YTHDF1: variants seen among roughly 807,000 people sequenced by gnomAD.
The protein encoded by YTHDF1 is YTH domain-containing family protein 1.
YTHDF1 carries 16 observed loss-of-function variants against 49.1 expected under a neutral mutation model. The ratio of observed to expected loss-of-function variants is 0.33; its 90% confidence interval spans 0.22 to 0.49. YTHDF1 has a LOEUF of 0.49. Among genes scored for constraint, YTHDF1 ranks in the 20% least tolerant of loss-of-function variants. YTHDF1 has a pLI of 0.99. For missense variants in YTHDF1, 621 were observed against 744.3 expected, an observed-to-expected ratio of 0.83 and a Z score of 1.93; for synonymous variants, 313 against 290.1, an observed-to-expected ratio of 1.08 and a Z score of -0.80.
At chr20:63,198,497 T>C (rs560257000) in intron 4 of YTHDF1, among the ~76,000 whole-genome samples, 26 of 152,140 alleles carry the variant, frequency 1.7e-4, no homozygotes, top group Admixed American at 3.3e-4. Context: ...CAAATACCAA[T>C]CTCTTGAGTT....
intron 3 of YTHDF1, among the ~76,000 whole-genome samples, chr20:63,212,999 C>G (rs1170346782): frequency 1.3e-5 from 2 of 152,216 alleles, no homozygotes; most frequent in Non-Finnish European, 2.9e-5. Flanking sequence ...CAGGTACTGT[C>G]TCAGCGCTTT....
intron 3 of YTHDF1, among the ~76,000 whole-genome samples, chr20:63,207,335 G>A (rs932289156): frequency 1.3e-5 from 2 of 152,108 alleles, no homozygotes; most frequent in Non-Finnish European, 2.9e-5. Flanking sequence ...CGGGCGTGGT[G>A]GTGGGTGCCT....
intron 3 of YTHDF1, among the ~76,000 whole-genome samples, chr20:63,211,960 TACACAC>T (rs57357558): frequency 0.13 from 18,520 of 143,596 alleles, 1,322 homozygotes; most frequent in African/African-American, 0.19. Context: ...GTCTCCAAAA[TACACAC>T]ACACACACAC....
chr20:63,199,372 C>T (rs1601230587), intron 4 of YTHDF1, among the ~76,000 whole-genome samples: 1 of 152,000 alleles, frequency 6.6e-6, no homozygotes, highest in Non-Finnish European at 1.5e-5. Flanking sequence ...ACAAAAAATT[C>T]GCTGGGCGTG....
chr20:63,201,361 A>G (rs1398420510), intron 4 of YTHDF1, among the ~76,000 whole-genome samples: 4 of 152,238 alleles, frequency 2.6e-5, no homozygotes, highest in African/African-American at 9.6e-5. Context: ...ATCTATTATC[A>G]ACTGACATTT....
chr20:63,205,670 G>A (rs1006875646), intron 3 of YTHDF1, among the ~76,000 whole-genome samples: 21 of 151,944 alleles, frequency 1.4e-4, no homozygotes, highest in African/African-American at 4.1e-4. Flanking sequence ...CACCACACCC[G>A]GTTAATTTTT....
chr20:63,203,531 A>G lies in YTHDF1; in HGVS notation c.409T>C (p.Ser137Pro). The G allele has an allele frequency of 6.2e-7, 1 of 1,613,932 alleles. No individual in the cohort carries two copies. Among genetic ancestry groups the G allele is most frequent in the African/African-American group, 1.3e-5 (1 of 75,014 alleles). ...GAGCTCTGGGTCTGCTGACCTTGAG[A>G]CCCACTTGTCCCCCATGCTGAGAAC... ...PAFSAWGTSG[S>P]QGQQTQSSAY... is the part of the protein sequence containing the mutation. The change falls in exon 4 of 5, where the codon TCT becomes CCT. Residue 137 changes from serine (S) to proline (P), a missense_variant. Ser to Pro is a moderately conservative substitution (Grantham distance 74). Coordinates refer to ENST00000370339, the MANE Select transcript of YTHDF1 (RefSeq NM_017798.4). This position sits in a 1 kb window ranked among gnomAD's most constrained non-coding sequence, Gnocchi z 4.4.
At chr20:63,215,713 C>G (rs1299832344) in intron 1 of YTHDF1, 112 bp from the exon 2 acceptor site, 1 of 1,417,888 alleles carries the variant, frequency 7.1e-7, no homozygotes, top group East Asian at 2.8e-5. Flanking sequence ...CCGCCGGCCC[C>G]GACGCGCGGT....
intron 4 of YTHDF1, 60 bp downstream of exon 4, chr20:63,202,227 G>A: frequency 6.4e-7 from 1 of 1,552,436 alleles, no homozygotes; most frequent in Non-Finnish European, 8.7e-7. Flanking sequence ...GGGCCACCTG[G>A]TCTAAGTACG....
rs1419542415 is a variant in YTHDF1, at chr20:63,202,614, C to A, written c.1326G>T (p.Gly442=). The A allele has an allele frequency of 6.2e-7, 1 of 1,613,926 alleles. No individual in the cohort carries two copies. The highest frequency in any genetic ancestry group is 2.2e-5 in the East Asian group (1 of 44,894). ...CGGCCACCCCACAAAAATGCCCACT[C>A]CCATTGACGCTGAAGAGCAGGTAGA... is the stretch of plus-strand genomic sequence containing the variant. ...GPVYLLFSVN[G]SGHFCGVAEM... is the part of the protein sequence containing the mutation. The change falls in exon 4 of 5, where the codon GGG becomes GGT. Residue 442 remains glycine (G), a synonymous_variant. Transcript: ENST00000370339.
In YTHDF1 at chr20:63,213,944, C is replaced by CTA. The variant is rs779802226; in HGVS notation, c.53-3_53-2dup. On this transcript the variant is annotated splice_acceptor_variant, in intron 2 of 4. Coordinates refer to ENST00000370339, the MANE Select transcript of YTHDF1 (RefSeq NM_017798.4). LOFTEE classifies it high-confidence loss of function. ...TTCTGATGTAACGAACCATTTTGTA[C>CTA]TAGAACAAAAAGTTGCAAAATATTA... The CTA allele has an allele frequency of 1.3e-6, 2 of 1,569,830 alleles. No individual in the cohort carries two copies. The highest frequency in any genetic ancestry group is 8.6e-7 in the Non-Finnish European group (1 of 1,167,598).
At position 63,215,990 on chromosome 20, in the gene YTHDF1, C is replaced by T. The variant is rs2066600659; in HGVS notation, c.-98G>A. The T allele has an allele frequency of 9.0e-7, 1 of 1,112,078 alleles. No homozygotes were observed. The highest frequency in any genetic ancestry group is 1.7e-5 in the African/African-American group (1 of 60,332). 68.9% of individuals were successfully genotyped at this position (1,112,078 alleles called of 1,614,324 possible). A position where few individuals can be genotyped will look rare whatever the true frequency, so the allele number is the denominator to read the frequency against. The stretch of plus-strand genomic sequence containing the variant: ...CCCTAGCTCGCGCGGCCCCGGGCCC[C>T]GCCGCCAATTCCCCGGGCGCCGGCC... On this transcript the variant is annotated 5_prime_UTR_variant, in exon 1 of 5. Transcript: ENST00000370339.
intron 2 of YTHDF1, 116 bp downstream of exon 2, chr20:63,215,461 T>G: frequency 7.1e-7 from 1 of 1,403,628 alleles, no homozygotes; most frequent in East Asian, 2.4e-5. Context: ...AAGTTTTATC[T>G]CCCTGAAGCT....
chr20:63,203,539 G>T lies in YTHDF1; in HGVS notation c.401C>A (p.Thr134Lys). 1 of 1,614,042 alleles carries T rather than the reference G, an allele frequency of 6.2e-7. No homozygotes were observed. The highest frequency in any genetic ancestry group is 8.5e-7 in the Non-Finnish European group (1 of 1,180,024). ...GGTCTGCTGACCTTGAGACCCACTT[G>T]TCCCCCATGCTGAGAACGCAGGGTT... Reference protein sequence around the residue: ...PENPAFSAWGTSGSQGQQTQS... With the variant: ...PENPAFSAWGKSGSQGQQTQS... The change falls in exon 4 of 5, where the codon ACA (threonine) becomes AAA (lysine). Residue 134 changes from threonine (T) to lysine (K), a missense_variant. By Grantham distance (78) the Thr-to-Lys change is moderately conservative (BLOSUM62 -1). Around this residue, in one of 2 missense-constraint regions of YTHDF1, gnomAD observed 470 missense variants for 495.8 expected, o/e 0.95. Coordinates refer to ENST00000370339, the MANE Select transcript of YTHDF1 (RefSeq NM_017798.4). This position sits in a 1 kb window ranked among gnomAD's most constrained non-coding sequence, Gnocchi z 4.4.
intron 3 of YTHDF1, among the ~76,000 whole-genome samples, chr20:63,208,312 G>A (rs1026732537): frequency 6.6e-6 from 1 of 152,176 alleles, no homozygotes; most frequent in African/African-American, 2.4e-5. Flanking sequence ...GGGTACTGCT[G>A]AAAAGTGAGG....
intron 3 of YTHDF1, among the ~76,000 whole-genome samples, chr20:63,204,993 T>C (rs1325236799): frequency 6.7e-6 from 1 of 149,460 alleles, no homozygotes; most frequent in Admixed American, 6.7e-5. Flanking sequence ...CGTCTGAGAG[T>C]GCCAAGATGC....
At chr20:63,204,727 G>A (rs1041461844) in intron 3 of YTHDF1, among the ~76,000 whole-genome samples, 5 of 152,180 alleles carry the variant, frequency 3.3e-5, no homozygotes, top group African/African-American at 1.2e-4. Flanking sequence ...GAGAAGGTGA[G>A]TGCCTGAGTG....
At chr20:63,212,265 G>A (rs1365971632) in intron 3 of YTHDF1, among the ~76,000 whole-genome samples, 4 of 152,202 alleles carry the variant, frequency 2.6e-5, no homozygotes, top group Admixed American at 6.5e-5. Flanking sequence ...CAGCGCTGCC[G>A]AGGCTCCACC....
chr20:63,207,762 T>C (rs1179587840), intron 3 of YTHDF1, among the ~76,000 whole-genome samples: 11 of 151,966 alleles, frequency 7.2e-5, no homozygotes, highest in Admixed American at 6.5e-4. Flanking sequence ...ATCCCAGCAC[T>C]TTGGGAGGCC....
Sources: gnomAD v4.1 joint callset for allele counts (sites outside exome capture counted in the v4.1 genomes callset) on GRCh38, gnomAD v4.1.1 for gene constraint, gnomAD v4.1.1 regional missense constraint, Gnocchi (gnomAD v3.1) non-coding constraint, MANE v1.5 for transcripts, NCBI Gene and HGNC (gene_info 2026-07-23, HGNC 2026-07-21) for gene names.